ARMH1: variants seen among roughly 807,000 people sequenced by gnomAD.
ARMH1 encodes the protein armadillo-like helical domain containing protein 1.
In ARMH1, 34 loss-of-function variants were observed where a neutral mutation model predicts 50.2. The ratio of observed to expected loss-of-function variants is 0.68; its 90% CI spans 0.51 to 0.90. ARMH1 has a LOEUF of 0.90. Ranked by LOEUF, ARMH1 falls within the 40% of genes least tolerant of loss-of-function variation. The probability of loss-of-function intolerance (pLI) is 0.00; values close to 1 mark genes in which losing one functional copy is unlikely to be tolerated. For synonymous variants in ARMH1, 221 were observed against 224.2 expected (o/e 0.99, Z 0.13); for missense variants, 538 against 553.9 (o/e 0.97, Z 0.29).
rs1211572299 is a variant in ARMH1 at position 44,724,467 on chromosome 1, G to A, written c.921-72G>A. ...TGCCGGCGGGCCCCGGGAGCGCTCCGTGCGCCGGGTGGGCGGGGGTGTGCG... is the reference window on the plus strand; with the variant it reads ...TGCCGGCGGGCCCCGGGAGCGCTCCATGCGCCGGGTGGGCGGGGGTGTGCG... On this transcript the variant is annotated intron_variant, in intron 8 of 11. Coordinates refer to ENST00000535358, the MANE Select transcript of ARMH1 (RefSeq NM_001145636.2). This position sits in a 1 kb window ranked among gnomAD's most constrained non-coding sequence, Gnocchi z 6.4. The A allele has an allele frequency of 4.0e-6, 6 of 1,518,210 alleles. No individual in the cohort carries two copies. The highest frequency in any genetic ancestry group is 3.5e-6 in the Non-Finnish European group (4 of 1,135,286). 94.0% of individuals were successfully genotyped at this position (1,518,210 alleles called of 1,614,324 possible).
intron 2 of ARMH1, among the ~76,000 whole-genome samples, chr1:44,691,680 A>G (rs1264501241): frequency 2.0e-5 from 3 of 152,138 alleles, no homozygotes; most frequent in African/African-American, 7.2e-5. Flanking sequence ...GGGCTTTCAA[A>G]TAAGTATCCC....
rs1573532426 is a variant in ARMH1, at chr1:44,725,162, A to C, written c.1155A>C (p.Lys385Asn). ...FLSNAEDLYM[K>N]IDSIQADILA... ...GCAACGCTGAGGACTTGTACATGAA[A>C]ATAGACAGCATTCAGGCGGACATCT... Residue 385 changes from lysine to asparagine, a missense_variant, in exon 11 of 12, where the codon AAA (lysine) becomes AAC (asparagine). Lys to Asn is a moderately conservative substitution (Grantham distance 94). Transcript: ENST00000535358. The C allele has an allele frequency of 2.6e-6, 4 of 1,551,924 alleles. No homozygotes were observed. In the East Asian group the frequency reaches 9.8e-5, roughly 38 times the overall value.
At chr1:44,722,903 C>CAAAAAAAAA (rs71036693) in intron 6 of ARMH1, among the ~76,000 whole-genome samples, 11 of 85,720 alleles carry the variant, frequency 1.3e-4, no homozygotes, top group Non-Finnish European at 1.8e-4. Context: ...ACTAAAAATA[C>CAAAAAAAAA]AAAAAAAAAA....
Position 44,682,691 on chromosome 1 carries a change from C to T in ARMH1, c.-22-6985C>T, listed in dbSNP as rs906529314. On this transcript the variant is annotated intron_variant, in intron 1 of 11. Coordinates refer to ENST00000535358, the MANE Select transcript of ARMH1 (RefSeq NM_001145636.2). The surrounding 1 kb of genome is among the most constrained non-coding windows in gnomAD (Gnocchi z 4.5). ...CTGTAATCCCAGTACTTTGGGAGGCCGAGGCAGGAGGATTGCTTGAGCCCA... is the reference window on the plus strand; with the variant it reads ...CTGTAATCCCAGTACTTTGGGAGGCTGAGGCAGGAGGATTGCTTGAGCCCA... 6.6e-6 allele frequency among the ~76,000 whole-genome samples: 1 copy of T among 152,018 alleles called. No individual in the cohort carries two copies.
rs1421397057 is a variant in ARMH1 at position 44,724,077 on chromosome 1, C to T, written c.725-45C>T. 3.3e-6 allele frequency: 5 copies of T among 1,530,980 alleles called. No individual in the cohort carries two copies. The Admixed American group carries it at 1.1e-4, about 33-fold the overall frequency. The allele number at this position is 1,530,980 out of a possible 1,614,324, so 94.8% of individuals were successfully genotyped here. ...ACGGGGTTCTTTGCTTCCTCGGTGG[C>T]GGAGGGGCCTGGGGCCTCTCTCCAG... On this transcript the variant is annotated intron_variant, in intron 6 of 11. Coordinates refer to ENST00000535358, the MANE Select transcript of ARMH1 (RefSeq NM_001145636.2). The surrounding 1 kb of genome is among the most constrained non-coding windows in gnomAD (Gnocchi z 6.4).
rs187660001 is a variant in ARMH1 at position 44,702,572 on chromosome 1, C to T, written c.639+1453C>T. On this transcript the variant is annotated intron_variant, in intron 5 of 11. Transcript: ENST00000535358. ...ACTAAAAATACAAAAATTAGCTGGGCGTGGTGGTGTGTGCCTGTAATCCCA... is the reference window on the plus strand; with the variant it reads ...ACTAAAAATACAAAAATTAGCTGGGTGTGGTGGTGTGTGCCTGTAATCCCA... Among the ~76,000 whole-genome samples the T allele has an allele frequency of 3.8e-4, 58 of 151,386 alleles. 1 individual carries two copies. Among genetic ancestry groups the T allele is most frequent in the Middle Eastern group, 3.4e-3 (1 of 290 alleles).
intron 6 of ARMH1, among the ~76,000 whole-genome samples, chr1:44,707,579 C>A (rs113913115): frequency 0.027 from 4,125 of 152,200 alleles, 143 homozygotes; most frequent in African/African-American, 0.081. Flanking sequence ...ACAGGCACAG[C>A]TCACCATGCC....
At chr1:44,679,088 G>A (rs1645227042) in intron 1 of ARMH1, among the ~76,000 whole-genome samples, 1 of 152,218 alleles carries the variant, frequency 6.6e-6, no homozygotes, top group Non-Finnish European at 1.5e-5. Context: ...TATCCTTGCA[G>A]AAGACTTTGC....
intron 6 of ARMH1, among the ~76,000 whole-genome samples, chr1:44,705,693 C>G (rs1646312697): frequency 6.6e-6 from 1 of 152,212 alleles, no homozygotes; most frequent in Admixed American, 6.5e-5. Context: ...CTAGCCAGAT[C>G]TGCCTGACTC....
chr1:44,721,831 AGTT>A (rs1557569651), intron 6 of ARMH1: 1 of 152,044 alleles, frequency 6.6e-6, no homozygotes, highest in Admixed American at 6.6e-5. Context: ...ATAAACTCAT[AGTT>A]GTTTTTCTCC....
chr1:44,698,261 C>A, intron 4 of ARMH1, 32 bp downstream of exon 4: 1 of 1,521,018 alleles, frequency 6.6e-7, no homozygotes, highest in Non-Finnish European at 8.9e-7. Flanking sequence ...ATGTGTCTCC[C>A]TAGGGGCCTG....
intron 2 of ARMH1, among the ~76,000 whole-genome samples, chr1:44,694,501 CT>C (rs1007811191): frequency 1.6e-5 from 2 of 128,280 alleles, no homozygotes; most frequent in African/African-American, 6.3e-5. Flanking sequence ...GAGTCTTTTT[CT>C]TTTTTTCTTT....
At chr1:44,718,167 G>C (rs537063963) in intron 6 of ARMH1, among the ~76,000 whole-genome samples, 2 of 152,168 alleles carry the variant, frequency 1.3e-5, no homozygotes, top group African/African-American at 4.8e-5. Flanking sequence ...TCACCTGTTC[G>C]TTTCTACCCT....
intron 1 of ARMH1, among the ~76,000 whole-genome samples, chr1:44,676,216 G>T (rs2148552668): frequency 6.6e-6 from 1 of 152,324 alleles, no homozygotes; most frequent in East Asian, 1.9e-4. Flanking sequence ...AAACAGGAAG[G>T]AGAGGAAGCA....
At chr1:44,698,025 C>G in intron 3 of ARMH1, 38 bp from the exon 4 acceptor site, 1 of 1,484,902 alleles carries the variant, frequency 6.7e-7, no homozygotes, top group Non-Finnish European at 9.0e-7. Context: ...AGGAACTTGA[C>G]AAGAGTTTTA....
intron 1 of ARMH1, among the ~76,000 whole-genome samples, chr1:44,687,373 C>T (rs752669079): frequency 6.6e-6 from 1 of 152,136 alleles, no homozygotes; most frequent in Non-Finnish European, 1.5e-5. Flanking sequence ...AGCCACATCC[C>T]GAGTTACTGA....
At chr1:44,692,530 A>C (rs1557525477) in intron 2 of ARMH1, among the ~76,000 whole-genome samples, 2 of 152,170 alleles carry the variant, frequency 1.3e-5, no homozygotes, top group Non-Finnish European at 2.9e-5. Flanking sequence ...AACATGTAGC[A>C]CAATGCCTGG....
At chr1:44,702,803 G>C (rs1472088100) in intron 5 of ARMH1, among the ~76,000 whole-genome samples, 1 of 152,016 alleles carries the variant, frequency 6.6e-6, no homozygotes, top group Non-Finnish European at 1.5e-5. Context: ...AGGGAAAAGA[G>C]TTTCCGTAAG....
At position 44,704,909 on chromosome 1, in the gene ARMH1, A is replaced by G. The variant is rs1017101048; in HGVS notation, c.724+736A>G. Among the ~76,000 whole-genome samples, 20 of 147,252 alleles carry G rather than the reference A, an allele frequency of 1.4e-4. No individual in the cohort carries two copies. In the Admixed American group the frequency reaches 1.4e-3, roughly 10 times the overall value. On this transcript the variant is annotated intron_variant, in intron 6 of 11. Transcript: ENST00000535358. ...GAGTGCAGTGGCGCAATCTCAGCTCACTGCAAGCTCTGCCTCCCGGGTTCA... is the reference window on the plus strand; with the variant it reads ...GAGTGCAGTGGCGCAATCTCAGCTCGCTGCAAGCTCTGCCTCCCGGGTTCA...
Sources: allele counts gnomAD v4.1 joint callset (sites outside exome capture counted in the v4.1 genomes callset), GRCh38; gene constraint gnomAD v4.1.1; non-coding constraint Gnocchi (gnomAD v3.1); transcripts MANE v1.5; gene names NCBI Gene and HGNC (gene_info 2026-07-23, HGNC 2026-07-21).